Variants in SPTAN1 observed in about 807,000 individuals in gnomAD.
SPTAN1 encodes the protein spectrin alpha, non-erythrocytic 1, also known as spectrin alpha chain, non-erythrocytic 1.
Under a neutral mutation model 331.3 loss-of-function variants are expected in SPTAN1, and 61 were observed. The ratio of observed to expected loss-of-function variants is 0.18; its 90% confidence interval spans 0.15 to 0.23. The LOEUF (loss-of-function observed/expected upper bound fraction) is 0.23, where lower values mean the gene tolerates loss of function less well. Among genes scored for constraint, SPTAN1 ranks in the 10% least tolerant of loss-of-function variants. The pLI, the probability that SPTAN1 is intolerant of heterozygous loss-of-function variation, is 1.00. For synonymous variants in SPTAN1, 1,153 were observed against 1,173.9 expected (o/e 0.98, Z 0.36); for missense variants, 2,043 against 3,147.9 (o/e 0.65, Z 8.40).
intron 1 of SPTAN1, among the ~76,000 whole-genome samples, chr9:128,564,676 A>G (rs1849807890): frequency 6.6e-6 from 1 of 152,206 alleles, no homozygotes; most frequent in African/African-American, 2.4e-5. Flanking sequence ...GCAAATCTAT[A>G]GAGAAGTGTG....
chr9:128,562,999 T>TATATATATAC (rs1849587062), intron 1 of SPTAN1, among the ~76,000 whole-genome samples: 1 of 15,852 alleles, frequency 6.3e-5, no homozygotes. Context: ...TGTGTATATA[T>TATATATATAC]ATATATATAT....
chr9:128,583,658 C>T, intron 15 of SPTAN1, 130 bp from the exon 16 acceptor site: 1 of 1,011,150 alleles, frequency 9.9e-7, no homozygotes, highest in Non-Finnish European at 1.5e-6. Context: ...TTTTCTTTCT[C>T]TTTGTGACAT....
chr9:128,628,093 G>T lies in SPTAN1; in HGVS notation c.6707+151G>T, dbSNP rs569156901. The T allele has an allele frequency of 4.6e-5, 45 of 976,852 alleles. No homozygotes were observed. The South Asian group carries it at 5.5e-4, about 12-fold the overall frequency. 60.5% of individuals were successfully genotyped at this position (976,852 alleles called of 1,614,324 possible). On this transcript the variant is annotated intron_variant, in intron 51 of 56. Transcript: ENST00000372739. ...TCCCACCCTTCTCGTCACCTGATGA[G>T]GAGTGTGTGCCTTGCCCCATAGCCC...
In SPTAN1 at chr9:128,626,655, G is replaced by T; in HGVS notation, c.6544G>T (p.Glu2182Ter). ...YTWFTMEALE[E>*]TWRNLQKIIK... The stretch of plus-strand genomic sequence containing the variant: ...CTGGTTTACCATGGAGGCCCTGGAG[G>T]AGACCTGGAGGAACCTACAGAAAAT... The change falls in exon 49 of 57, where the codon GAG (glutamate) becomes TAG (stop). Residue 2182 changes from glutamate to a stop codon, truncating the protein, a stop_gained. Coordinates refer to ENST00000372739, the MANE Select transcript of SPTAN1 (RefSeq NM_001130438.3). LOFTEE classifies it high-confidence loss of function. 6.2e-7 allele frequency: 1 copy of T among 1,612,868 alleles called. No individual in the cohort carries two copies.
At chr9:128,581,255 G>T (rs976334929) in intron 11 of SPTAN1, among the ~76,000 whole-genome samples, 196 bp downstream of exon 11, 1 of 152,182 alleles carries the variant, frequency 6.6e-6, no homozygotes, top group African/African-American at 2.4e-5. Context: ...CTTCAGAAAA[G>T]GCCCCAGCTT....
chr9:128,582,741 G>T lies in SPTAN1; in HGVS notation c.1698G>T (p.Arg566=). 6.2e-7 allele frequency: 1 copy of T among 1,614,008 alleles called. No individual in the cohort carries two copies. ...NALHERAMRR[R]AQLADSFHLQ... ...TTCACGAGAGAGCCATGCGTCGCCGGGCCCAGCTAGCCGATTCTTTCCATC... is the reference window on the plus strand; with the variant it reads ...TTCACGAGAGAGCCATGCGTCGCCGTGCCCAGCTAGCCGATTCTTTCCATC... Residue 566 remains arginine (R), a synonymous_variant, in exon 14 of 57, where the codon CGG becomes CGT. Coordinates refer to ENST00000372739, the MANE Select transcript of SPTAN1 (RefSeq NM_001130438.3).
chr9:128,617,252 G>GTGTGTATA (rs1491370842), intron 41 of SPTAN1, among the ~76,000 whole-genome samples: 1 of 151,032 alleles, frequency 6.6e-6, no homozygotes, highest in Non-Finnish European at 1.5e-5. Context: ...AAAAAAAAAA[G>GTGTGTATA]TGTGTATATA....
Position 128,608,920 on chromosome 9 carries a change from C to G in SPTAN1, c.4538C>G (p.Ala1513Gly). Reference sequence around the variant, plus strand: ...CAGGCCTTTGCCGACCAGCTCATCGCTGCCGGCCATTATGCCAAGGGAGAC... The same window carrying G: ...CAGGCCTTTGCCGACCAGCTCATCGGTGCCGGCCATTATGCCAAGGGAGAC... ...ALQAFADQLIAAGHYAKGDIS... is the reference protein window; with the variant it reads ...ALQAFADQLIGAGHYAKGDIS... The change falls in exon 35 of 57, where the codon GCT (alanine) becomes GGT (glycine). Residue 1513 changes from alanine to glycine, a missense_variant. Coordinates refer to ENST00000372739, the MANE Select transcript of SPTAN1 (RefSeq NM_001130438.3). The G allele has an allele frequency of 6.2e-7, 1 of 1,614,242 alleles. No homozygotes were observed. The highest frequency in any genetic ancestry group is 8.5e-7 in the Non-Finnish European group (1 of 1,180,042).
At position 128,627,989 on chromosome 9, in the gene SPTAN1, C is replaced by T. The variant is rs780312780; in HGVS notation, c.6707+47C>T. On this transcript the variant is annotated intron_variant, in intron 51 of 56. Coordinates refer to ENST00000372739, the MANE Select transcript of SPTAN1 (RefSeq NM_001130438.3). This position sits in a 1 kb window ranked among gnomAD's most constrained non-coding sequence, Gnocchi z 4.9. ...CTCTGGGCTTGTCATGTGGGGGTCTCGTGCGCTTGCCCCTCGTGGCCTGGC... is the reference window on the plus strand; with the variant it reads ...CTCTGGGCTTGTCATGTGGGGGTCTTGTGCGCTTGCCCCTCGTGGCCTGGC... The T allele has an allele frequency of 5.0e-6, 8 of 1,613,026 alleles. No homozygotes were observed. The highest frequency in any genetic ancestry group is 1.1e-5 in the South Asian group (1 of 91,066).
At position 128,629,139 on chromosome 9, in the gene SPTAN1, G is replaced by A. The variant is rs188465709; in HGVS notation, c.6708-1182G>A. 352 of 398,584 alleles carry A rather than the reference G, an allele frequency of 8.8e-4. 2 individuals carry two copies. The highest frequency in any genetic ancestry group is 5.6e-3 in the African/African-American group (271 of 48,670). 24.7% of individuals were successfully genotyped at this position (398,584 alleles called of 1,614,324 possible). On this transcript the variant is annotated intron_variant, in intron 51 of 56. Coordinates refer to ENST00000372739, the MANE Select transcript of SPTAN1 (RefSeq NM_001130438.3). This position sits in a 1 kb window ranked among gnomAD's most constrained non-coding sequence, Gnocchi z 4.9. Reference sequence around the variant, plus strand: ...TCTTTGAATAGCATAGCATATCGTCGGGTCATTCGTGTCTATCAGTATGAA... The same window carrying A: ...TCTTTGAATAGCATAGCATATCGTCAGGTCATTCGTGTCTATCAGTATGAA...
chr9:128,602,444 T>A (rs1020470764), intron 27 of SPTAN1, among the ~76,000 whole-genome samples: 5 of 152,022 alleles, frequency 3.3e-5, no homozygotes, highest in Non-Finnish European at 5.9e-5. Context: ...ATTGATCTCC[T>A]AACCTCACCT....
chr9:128,574,928 A>C, intron 4 of SPTAN1, 113 bp downstream of exon 4: 1 of 1,488,066 alleles, frequency 6.7e-7, no homozygotes, highest in African/African-American at 1.4e-5. Context: ...TTTTAAGTAA[A>C]AGGGTGGAAG....
At chr9:128,609,554 C>T (rs372522169) in intron 36 of SPTAN1, 97 bp from the exon 37 acceptor site, 19 of 1,098,506 alleles carry the variant, frequency 1.7e-5, no homozygotes, top group African/African-American at 1.3e-4. Context: ...GCTGAGCTTC[C>T]TGGGGGAAGT....
In SPTAN1 at chr9:128,577,360, C is replaced by T. The variant is rs2131014238; in HGVS notation, c.939C>T (p.Ala313=). 9 of 1,614,128 alleles carry T rather than the reference C, an allele frequency of 5.6e-6. No homozygotes were observed. Among genetic ancestry groups the T allele is most frequent in the Non-Finnish European group, 7.6e-6 (9 of 1,180,038 alleles). ...DLAALEDKVK[A]LCAEADRLQQ... is the part of the protein sequence containing the mutation. Reference sequence around the variant, plus strand: ...ACGGAGTTCATTTCTAGGTCAAAGCCCTGTGTGCTGAGGCTGACCGCCTGC... The same window carrying T: ...ACGGAGTTCATTTCTAGGTCAAAGCTCTGTGTGCTGAGGCTGACCGCCTGC... Residue 313 remains alanine, a synonymous_variant, in exon 8 of 57, where the codon GCC becomes GCT. Coordinates refer to ENST00000372739, the MANE Select transcript of SPTAN1 (RefSeq NM_001130438.3). This position sits in a 1 kb window ranked among gnomAD's most constrained non-coding sequence, Gnocchi z 4.2.
intron 43 of SPTAN1, among the ~76,000 whole-genome samples, chr9:128,618,591 C>T (rs1857467889): frequency 6.6e-6 from 1 of 152,116 alleles, no homozygotes; most frequent in Admixed American, 6.6e-5. Flanking sequence ...TCACGCCATT[C>T]TCCTGCCTCA....
chr9:128,584,773 A>G lies in SPTAN1; in HGVS notation c.2490A>G (p.Gln830=), dbSNP rs1221452394. Residue 830 remains glutamine, a synonymous_variant, in exon 18 of 57, where the codon CAA becomes CAG. Coordinates refer to ENST00000372739, the MANE Select transcript of SPTAN1 (RefSeq NM_001130438.3). ...QNLLKKHQAL[Q]AEIAGHEPRI... The stretch of plus-strand genomic sequence containing the variant: ...TGCTAAAGAAACATCAAGCCTTACA[A>G]GCAGAAATTGCTGGACATGAACCAC... 6.2e-7 allele frequency: 1 copy of G among 1,614,246 alleles called. No homozygotes were observed. Among genetic ancestry groups the G allele is most frequent in the East Asian group, 2.2e-5 (1 of 44,890 alleles).
chr9:128,587,734 G>T, intron 20 of SPTAN1, 36 bp downstream of exon 20: 1 of 1,583,642 alleles, frequency 6.3e-7, no homozygotes, highest in Non-Finnish European at 8.7e-7. Flanking sequence ...ACTGGAGGGA[G>T]GCCTTGAAGG....
At chr9:128,573,154 G>A (rs1850922547) in intron 3 of SPTAN1, among the ~76,000 whole-genome samples, 1 of 152,276 alleles carries the variant, frequency 6.6e-6, no homozygotes, top group African/African-American at 2.4e-5. Context: ...GAAACTCCCA[G>A]TATCTTGGGT....
intron 27 of SPTAN1, among the ~76,000 whole-genome samples, chr9:128,602,691 A>T (rs576442406): frequency 1.3e-5 from 2 of 151,940 alleles, no homozygotes; most frequent in East Asian, 3.9e-4. Context: ...GCTGGAGTGC[A>T]GTGGCGCAAT....
Sources: gnomAD v4.1 joint callset for allele counts (sites outside exome capture counted in the v4.1 genomes callset) on GRCh38, gnomAD v4.1.1 for gene constraint, Gnocchi (gnomAD v3.1) non-coding constraint, MANE v1.5 for transcripts, NCBI Gene and HGNC (gene_info 2026-07-23, HGNC 2026-07-21) for gene names.